Variants in RRAS2 observed in about 807,000 individuals in gnomAD.
RRAS2 encodes ras-related protein R-Ras2.
A neutral mutation model predicts 27.6 loss-of-function variants in RRAS2; 7 were observed. That is an observed-to-expected ratio of 0.25 (90% CI 0.14 to 0.48). RRAS2 has a LOEUF of 0.48. Among genes scored for constraint, RRAS2 ranks in the 20% least tolerant of loss-of-function variants. The probability of loss-of-function intolerance (pLI) is 0.99; values close to 1 mark genes in which losing one functional copy is unlikely to be tolerated. For missense variants in RRAS2, 178 were observed against 256.2 expected (o/e 0.69, Z 2.08); for synonymous variants, 86 against 90.9 (o/e 0.95, Z 0.31).
chr11:14,357,441 A>T (rs1171717004), intron 1 of RRAS2, among the ~76,000 whole-genome samples: 1 of 152,176 alleles, frequency 6.6e-6, no homozygotes, highest in Non-Finnish European at 1.5e-5. Flanking sequence ...AGCCTGCTAA[A>T]CTTAAACCAA....
At chr11:14,347,368 A>G (rs893961710) in intron 1 of RRAS2, among the ~76,000 whole-genome samples, 38 of 152,212 alleles carry the variant, frequency 2.5e-4, no homozygotes, top group African/African-American at 8.9e-4. Flanking sequence ...TTTTAAAAAT[A>G]CTGAATCTGA....
At chr11:14,305,868 A>AC (rs1847817140) in intron 1 of RRAS2, among the ~76,000 whole-genome samples, 1 of 151,834 alleles carries the variant, frequency 6.6e-6, no homozygotes, top group African/African-American at 2.4e-5. Flanking sequence ...ACACAGTGAG[A>AC]CCCCCATCTC....
chr11:14,300,085 G>A (rs947359925), intron 1 of RRAS2, among the ~76,000 whole-genome samples: 31 of 152,250 alleles, frequency 2.0e-4, no homozygotes, highest in African/African-American at 6.0e-4. Context: ...AGACAGTAAA[G>A]GTTCAGGCAA....
chr11:14,293,376 A>C (rs1554946101), intron 4 of RRAS2, among the ~76,000 whole-genome samples: 1 of 151,898 alleles, frequency 6.6e-6, no homozygotes, highest in Non-Finnish European at 1.5e-5. Flanking sequence ...CCAGCAAAAT[A>C]AACAATTTAA....
At position 14,319,841 on chromosome 11, in the gene RRAS2, G is replaced by A. The variant is rs1221306954; in HGVS notation, c.109-23986C>T. ...AAGTATCAGTTGTATTTTTCAGAGC[G>A]CAGAAAAGTTGTGTGATCAAAACAA... On this transcript the variant is annotated intron_variant, in intron 1 of 5. Transcript: ENST00000256196. 9.9e-5 allele frequency among the ~76,000 whole-genome samples: 15 copies of A among 152,132 alleles called. No homozygotes were observed. In the South Asian group the frequency reaches 1.2e-3, roughly 13 times the overall value.
intron 1 of RRAS2, among the ~76,000 whole-genome samples, chr11:14,298,946 T>C (rs1158940711): frequency 2.0e-5 from 3 of 152,158 alleles, no homozygotes; most frequent in Non-Finnish European, 4.4e-5. Context: ...AGATCACCAA[T>C]AAGTAATCAG....
At chr11:14,292,586 AAAAC>A (rs1212825551) in intron 4 of RRAS2, among the ~76,000 whole-genome samples, 1 of 152,204 alleles carries the variant, frequency 6.6e-6, no homozygotes, top group Non-Finnish European at 1.5e-5. Flanking sequence ...GTCTTAAAAA[AAAAC>A]AAAATTAAAT....
chr11:14,281,157 A>G (rs1849523615), intron 5 of RRAS2, among the ~76,000 whole-genome samples: 2 of 152,224 alleles, frequency 1.3e-5, no homozygotes, highest in Non-Finnish European at 2.9e-5. Flanking sequence ...TTAAAGCCCC[A>G]GTTCTGCCAT....
intron 1 of RRAS2, among the ~76,000 whole-genome samples, chr11:14,341,464 T>C (rs1848703777): frequency 6.6e-6 from 1 of 152,160 alleles, no homozygotes; most frequent in Admixed American, 6.5e-5. Context: ...AGAAACCATG[T>C]ATAGTAATTC....
intron 1 of RRAS2, among the ~76,000 whole-genome samples, chr11:14,327,586 C>T (rs1040302227): frequency 6.6e-6 from 1 of 152,158 alleles, no homozygotes; most frequent in Non-Finnish European, 1.5e-5. Context: ...TCTCTACCCC[C>T]CTTTCTCTTC....
intron 1 of RRAS2, among the ~76,000 whole-genome samples, chr11:14,329,694 A>G (rs1848446779): frequency 1.3e-5 from 2 of 152,214 alleles, no homozygotes; most frequent in African/African-American, 4.8e-5. Flanking sequence ...AAATAGAACA[A>G]AAAAGCAGAA....
At chr11:14,292,421 G>T (rs1341940199) in intron 4 of RRAS2, among the ~76,000 whole-genome samples, 1 of 152,140 alleles carries the variant, frequency 6.6e-6, no homozygotes, top group African/African-American at 2.4e-5. Flanking sequence ...GAGATAGGAA[G>T]AGAACTCCTT....
intron 1 of RRAS2, among the ~76,000 whole-genome samples, chr11:14,315,456 A>T (rs1848078379): frequency 6.6e-6 from 1 of 152,240 alleles, no homozygotes; most frequent in Non-Finnish European, 1.5e-5. Flanking sequence ...CATCAAAAAC[A>T]AGGAAAGTCA....
At chr11:14,304,826 A>G (rs553848751) in intron 1 of RRAS2, among the ~76,000 whole-genome samples, 2 of 152,284 alleles carry the variant, frequency 1.3e-5, no homozygotes, top group East Asian at 3.9e-4. Flanking sequence ...TCCTTGTGTC[A>G]CTTTTTAGCA....
chr11:14,337,336 C>T (rs1009295806), intron 1 of RRAS2, among the ~76,000 whole-genome samples: 1 of 152,156 alleles, frequency 6.6e-6, no homozygotes, highest in Non-Finnish European at 1.5e-5. Context: ...CTGCTCTGAA[C>T]ATTCAACTGT....
At chr11:14,306,097 A>G (rs912684667) in intron 1 of RRAS2, among the ~76,000 whole-genome samples, 11 of 149,822 alleles carry the variant, frequency 7.3e-5, no homozygotes, top group Non-Finnish European at 1.5e-5. Context: ...TACAACAGAC[A>G]CCCTACGGAT....
chr11:14,289,769 G>A (rs1221932204), intron 4 of RRAS2, among the ~76,000 whole-genome samples: 6 of 152,196 alleles, frequency 3.9e-5, no homozygotes, highest in Admixed American at 3.9e-4. Context: ...AAGCAAGCAA[G>A]CAAAGCCTCT....
intron 2 of RRAS2, 27 bp from the exon 3 acceptor site, chr11:14,294,889 A>C: frequency 6.3e-7 from 1 of 1,598,362 alleles, no homozygotes; most frequent in Non-Finnish European, 8.6e-7. Context: ...AAATGTAATT[A>C]TACTTGTTTT....
At chr11:14,325,626 G>A (rs1192681614) in intron 1 of RRAS2, among the ~76,000 whole-genome samples, 2 of 152,104 alleles carry the variant, frequency 1.3e-5, no homozygotes, top group Non-Finnish European at 2.9e-5. Flanking sequence ...TTTTAGAATG[G>A]CATTAAGTTT....
Sources: allele counts gnomAD v4.1 joint callset (sites outside exome capture counted in the v4.1 genomes callset), GRCh38; gene constraint gnomAD v4.1.1; transcripts MANE v1.5; gene names NCBI Gene and HGNC (gene_info 2026-07-23, HGNC 2026-07-21).